Variants in TET2 observed in about 807,000 individuals in gnomAD.
TET2 encodes tet methylcytosine dioxygenase 2.
TET2 carries 299 observed loss-of-function variants against 142.9 expected under a neutral mutation model. The observed-to-expected ratio is 2.09, with a 90% CI of 1.90 to 2.30. TET2 has a LOEUF of 2.30. Ranked by LOEUF, TET2 falls within the 30% of genes most tolerant of loss-of-function variation. The pLI, the probability that TET2 is intolerant of heterozygous loss-of-function variation, is 0.00. For synonymous variants in TET2, 819 were observed against 849.0 expected (o/e 0.96, Z 0.61); for missense variants, 2,418 against 2,378.0 (o/e 1.02, Z -0.35).
In TET2 at chr4:105,272,585, G is replaced by A; in HGVS notation, c.4204G>A (p.Asp1402Asn). Reference sequence around the variant, plus strand: ...CCAGGTATGCACTCTCACTAGAGAAGACAATCGAGAATTTGGAGGAAAACC... The same window carrying A: ...CCAGGTATGCACTCTCACTAGAGAAAACAATCGAGAATTTGGAGGAAAACC... ...STLVCTLTREDNREFGGKPED... is the reference protein window; with the variant it reads ...STLVCTLTRENNREFGGKPED... Residue 1402 changes from aspartate to asparagine, a missense_variant, in exon 10 of 11, where the codon GAC becomes AAC. Asp to Asn is a conservative substitution (Grantham distance 23, BLOSUM62 1). Transcript: ENST00000380013. 6.5e-7 allele frequency: 1 copy of A among 1,542,390 alleles called. No homozygotes were observed. The highest frequency in any genetic ancestry group is 1.2e-5 in the South Asian group (1 of 82,140).
At chr4:105,168,084 C>T (rs1724257956) in intron 1 of TET2, among the ~76,000 whole-genome samples, 2 of 152,166 alleles carry the variant, frequency 1.3e-5, no homozygotes, top group Middle Eastern at 3.2e-3. Context: ...TGCAGTTTCC[C>T]TGTCATGGGT....
intron 8 of TET2, among the ~76,000 whole-genome samples, chr4:105,266,219 C>G (rs1239377147): frequency 6.6e-6 from 1 of 152,080 alleles, no homozygotes; most frequent in Non-Finnish European, 1.5e-5. Flanking sequence ...TAATACTATT[C>G]ATAATTGTAT....
chr4:105,260,210 T>G (rs967517112), intron 7 of TET2, among the ~76,000 whole-genome samples: 5 of 152,102 alleles, frequency 3.3e-5, no homozygotes, highest in Non-Finnish European at 7.4e-5. Context: ...TTTAAGTAAC[T>G]AAAACATTTA....
intron 6 of TET2, among the ~76,000 whole-genome samples, chr4:105,247,466 C>G (rs72963014): frequency 0.013 from 2,049 of 152,212 alleles, 46 homozygotes; most frequent in African/African-American, 0.045. Context: ...ATAAAACTTC[C>G]TCTCATAAAA....
At position 105,275,716 on chromosome 4, in the gene TET2, G is replaced by T. The variant is rs1171920925; in HGVS notation, c.5206G>T (p.Ala1736Ser). ...THEMDGHFMG[A>S]TSRLPPNLSN... ...TGAGATGGATGGCCACTTCATGGGA[G>T]CCACCTCTAGATTACCACCCAATCT... The change falls in exon 11 of 11, where the codon GCC becomes TCC. Residue 1736 changes from alanine to serine, a missense_variant. By Grantham distance (99) the Ala-to-Ser change is moderately conservative (BLOSUM62 1). Coordinates refer to ENST00000380013, the MANE Select transcript of TET2 (RefSeq NM_001127208.3). 1 of 1,551,728 alleles carries T rather than the reference G, an allele frequency of 6.4e-7. No homozygotes were observed.
intron 3 of TET2, chr4:105,238,491 T>G (rs1229478951): frequency 4.0e-6 from 1 of 247,530 alleles, no homozygotes; most frequent in African/African-American, 2.2e-5. Flanking sequence ...TGTAATTTTC[T>G]GAATCCTTTG....
rs117335541 is a variant in TET2, at chr4:105,209,992, T to G, written c.-47+19487T>G. On this transcript the variant is annotated intron_variant, in intron 2 of 10. Coordinates refer to ENST00000380013, the MANE Select transcript of TET2 (RefSeq NM_001127208.3). ...ACAGACAATAAGAACATAGAACCGA[T>G]AGGTTATTTTTTAAACGGGAAGAAA... Among the ~76,000 whole-genome samples, 169 of 152,252 alleles carry G rather than the reference T, an allele frequency of 1.1e-3. 6 individuals are homozygous for G. In the East Asian group the frequency reaches 0.03, roughly 27 times the overall value.
At chr4:105,231,148 C>A (rs1001994442) in intron 2 of TET2, among the ~76,000 whole-genome samples, 1 of 152,054 alleles carries the variant, frequency 6.6e-6, no homozygotes, top group African/African-American at 2.4e-5. Context: ...TTTTAAATAT[C>A]TTTTAATTTG....
At chr4:105,175,183 T>G (rs1022409094) in intron 1 of TET2, among the ~76,000 whole-genome samples, 3 of 152,210 alleles carry the variant, frequency 2.0e-5, no homozygotes, top group Admixed American at 6.5e-5. Context: ...AACCAAAAAA[T>G]TATAAGGCAT....
rs527247782 is a variant in TET2, at chr4:105,243,797, C to G, written c.3803+19C>G. On this transcript the variant is annotated intron_variant, in intron 6 of 10. Transcript: ENST00000380013. ...ATGAAGAGTAAGTGAAGCCCAGGGC[C>G]TCTCCCCTCTTTGCGGCCACTGATA... 3.3e-5 allele frequency: 51 copies of G among 1,546,672 alleles called. No individual in the cohort carries two copies. The South Asian group carries it at 5.2e-4, about 16-fold the overall frequency.
chr4:105,160,739 A>G (rs952520860), intron 1 of TET2, among the ~76,000 whole-genome samples: 3 of 152,098 alleles, frequency 2.0e-5, no homozygotes, highest in African/African-American at 4.8e-5. Flanking sequence ...TAAACCAAGC[A>G]CCAAATCTGT....
intron 6 of TET2, among the ~76,000 whole-genome samples, chr4:105,246,383 G>T (rs1469983965): frequency 1.3e-5 from 2 of 152,230 alleles, no homozygotes; most frequent in African/African-American, 2.4e-5. Flanking sequence ...TGCTCTAAAT[G>T]TCAGGCAGAT....
In TET2 at chr4:105,235,033, G is replaced by A. The variant is rs1431722849; in HGVS notation, c.1091G>A (p.Gly364Asp). 2 of 1,614,112 alleles carry A rather than the reference G, an allele frequency of 1.2e-6. No individual in the cohort carries two copies. Among genetic ancestry groups the A allele is most frequent in the South Asian group, 2.2e-5 (2 of 91,074 alleles). Reference protein sequence around the residue: ...SGSSSNLQAPGGSSERYLKQN... With the variant: ...SGSSSNLQAPDGSSERYLKQN... The stretch of plus-strand genomic sequence containing the variant: ...TCCAGCAGCAATTTGCAAGCTCCTG[G>A]TGGCAGCTCTGAACGGTATTTAAAA... The change falls in exon 3 of 11, where the codon GGT becomes GAT. Residue 364 changes from glycine (G) to aspartate (D), a missense_variant. Transcript: ENST00000380013.
At chr4:105,166,346 C>CTTT (rs2046906709) in intron 1 of TET2, among the ~76,000 whole-genome samples, 1 of 152,082 alleles carries the variant, frequency 6.6e-6, no homozygotes, top group Non-Finnish European at 1.5e-5. Context: ...TTCCTGTAAG[C>CTTT]ATTCAATTTT....
chr4:105,180,445 T>C (rs1725048595), intron 1 of TET2, among the ~76,000 whole-genome samples: 2 of 151,710 alleles, frequency 1.3e-5, no homozygotes, highest in African/African-American at 4.8e-5. Flanking sequence ...TACAATTGTG[T>C]TCTATAATTA....
At chr4:105,241,268 G>A in intron 3 of TET2, 71 bp from the exon 4 acceptor site, 1 of 1,459,660 alleles carries the variant, frequency 6.9e-7, no homozygotes, top group Middle Eastern at 1.8e-4. Flanking sequence ...TGGGGGTTAA[G>A]CTTTGTGGAT....
At position 105,238,255 on chromosome 4, in the gene TET2, G is replaced by A. The variant is rs377253525; in HGVS notation, c.3409+904G>A. The A allele has an allele frequency of 5.9e-5, 14 of 238,570 alleles. No individual in the cohort carries two copies. In the East Asian group the frequency reaches 9.0e-4, roughly 15 times the overall value. The allele number at this position is 238,570 out of a possible 1,614,324, so 14.8% of individuals were successfully genotyped here. The stretch of plus-strand genomic sequence containing the variant: ...TCGTGCTTCAGTATTGATCGCTGTG[G>A]ACTGATCATGGTGGTAGTTGCTGAA... On this transcript the variant is annotated intron_variant, in intron 3 of 10. Transcript: ENST00000380013.
intron 4 of TET2, chr4:105,241,798 G>C: frequency 8.0e-7 from 1 of 1,250,380 alleles, no homozygotes; most frequent in Non-Finnish European, 1.0e-6. Flanking sequence ...GACTGGTAAA[G>C]TGTGGTATAA....
At chr4:105,181,586 A>T (rs1725125859) in intron 1 of TET2, among the ~76,000 whole-genome samples, 1 of 152,356 alleles carries the variant, frequency 6.6e-6, no homozygotes, top group Non-Finnish European at 1.5e-5. Flanking sequence ...AAACTTCTTT[A>T]AAATGTGTAA....
Sources: allele counts gnomAD v4.1 joint callset (sites outside exome capture counted in the v4.1 genomes callset), GRCh38; gene constraint gnomAD v4.1.1; transcripts MANE v1.5; gene names NCBI Gene and HGNC (gene_info 2026-07-23, HGNC 2026-07-21).